Variants in MSH3 observed in about 807,000 individuals in gnomAD.
MSH3 encodes DNA mismatch repair protein Msh3.
In MSH3, 106 loss-of-function variants were observed where a neutral mutation model predicts 123.3. That is an observed-to-expected ratio of 0.86 (90% CI 0.73 to 1.01). The LOEUF (loss-of-function observed/expected upper bound fraction) is 1.01, where lower values mean the gene tolerates loss of function less well. MSH3 is among the 50% of genes least tolerant of loss of function. MSH3 has a pLI of 0.00. For synonymous variants in MSH3, 515 were observed against 481.4 expected (o/e 1.07, Z -0.91); for missense variants, 1,459 against 1,347.6 (o/e 1.08, Z -1.29).
intron 20 of MSH3, among the ~76,000 whole-genome samples, chr5:80,838,317 G>T (rs772177755): frequency 6.6e-6 from 1 of 152,124 alleles, no homozygotes; most frequent in African/African-American, 2.4e-5. Context: ...AGACTCTGGC[G>T]TCAGACCGAG....
intron 20 of MSH3, among the ~76,000 whole-genome samples, chr5:80,849,000 C>G (rs1231362347): frequency 1.3e-5 from 2 of 152,114 alleles, no homozygotes; most frequent in Admixed American, 6.5e-5. Flanking sequence ...TAGTTACTTC[C>G]TAAATACAAT....
chr5:80,747,280 C>CT (rs925557082), intron 12 of MSH3, among the ~76,000 whole-genome samples: 84 of 151,420 alleles, frequency 5.5e-4, no homozygotes, highest in African/African-American at 1.3e-3. Flanking sequence ...GTTAAATTTC[C>CT]TTTTTTTTTG....
intron 20 of MSH3, among the ~76,000 whole-genome samples, chr5:80,853,828 A>G (rs1217981090): frequency 2.0e-5 from 3 of 152,214 alleles, no homozygotes; most frequent in Non-Finnish European, 1.5e-5. Context: ...TGTCCTGTGA[A>G]TACCAAAACT....
intron 10 of MSH3, among the ~76,000 whole-genome samples, chr5:80,739,106 C>T (rs1032427042): frequency 9.8e-5 from 15 of 152,326 alleles, no homozygotes; most frequent in African/African-American, 3.6e-4. Context: ...CAGCTAAGCA[C>T]CGTTCTAGAG....
rs753200535 is a variant in MSH3, at chr5:80,761,567, T to C, written c.1785T>C (p.Asp595=). 1 of 1,614,178 alleles carries C rather than the reference T, an allele frequency of 6.2e-7. No individual in the cohort carries two copies. The highest frequency in any genetic ancestry group is 2.2e-5 in the East Asian group (1 of 44,884). The part of the protein sequence containing the change: ...LKLREINARL[D]AVSEVLHSES... The stretch of plus-strand genomic sequence containing the variant: ...ACAGGGAAATAAATGCCCGGCTTGA[T>C]GCTGTATCGGAAGTTCTCCATTCAG... The change falls in exon 13 of 24, where the codon GAT becomes GAC. Residue 595 remains aspartate, a synonymous_variant. Coordinates refer to ENST00000265081, the MANE Select transcript of MSH3 (RefSeq NM_002439.5).
intron 8 of MSH3, 26 bp from the exon 9 acceptor site, chr5:80,725,427 T>TGGATAAG: frequency 6.5e-7 from 1 of 1,526,760 alleles, no homozygotes; most frequent in Non-Finnish European, 9.1e-7. Context: ...ATAAGTTATC[T>TGGATAAG]TTGAAATTTT....
chr5:80,783,334 T>C (rs1019108293), intron 17 of MSH3, among the ~76,000 whole-genome samples: 11 of 152,228 alleles, frequency 7.2e-5, no homozygotes, highest in Admixed American at 3.9e-4. Context: ...GTTATCTGCA[T>C]TGACCATTTT....
At chr5:80,712,240 T>C (rs1750874419) in intron 8 of MSH3, among the ~76,000 whole-genome samples, 1 of 152,244 alleles carries the variant, frequency 6.6e-6, no homozygotes, top group African/African-American at 2.4e-5. Flanking sequence ...GTATAAATCC[T>C]GTAATCCATT....
At chr5:80,844,416 C>T (rs111994939) in intron 20 of MSH3, among the ~76,000 whole-genome samples, 1,548 of 152,042 alleles carry the variant, frequency 0.01, 24 homozygotes, top group African/African-American at 0.036. Context: ...CTTTTAGGTC[C>T]GTTTGGTCCA....
intron 9 of MSH3, among the ~76,000 whole-genome samples, chr5:80,725,782 C>T (rs32953): frequency 6.6e-5 from 10 of 151,906 alleles, no homozygotes; most frequent in East Asian, 1.9e-4. Context: ...CCCAGGAGTT[C>T]GAGGCAGCAA....
chr5:80,750,446 C>T (rs971160105), intron 12 of MSH3, among the ~76,000 whole-genome samples: 3 of 151,824 alleles, frequency 2.0e-5, no homozygotes, highest in African/African-American at 4.8e-5. Flanking sequence ...GTGAGGTGAC[C>T]TATTGTGGTT....
intron 8 of MSH3, among the ~76,000 whole-genome samples, chr5:80,683,910 T>A (rs1274520958): frequency 3.9e-5 from 6 of 152,202 alleles, no homozygotes; most frequent in African/African-American, 9.6e-5. Context: ...CATATGGATG[T>A]CCAGTTTTCC....
chr5:80,764,112 A>G (rs973014479), intron 13 of MSH3, among the ~76,000 whole-genome samples: 2 of 152,242 alleles, frequency 1.3e-5, no homozygotes, highest in South Asian at 2.1e-4. Context: ...ACCATCAAAC[A>G]TATGTCTGTT....
intron 7 of MSH3, among the ~76,000 whole-genome samples, chr5:80,678,425 G>T (rs1313154449): frequency 6.6e-6 from 1 of 152,202 alleles, no homozygotes; most frequent in Admixed American, 6.5e-5. Context: ...CATTTTATGT[G>T]TTACTTTGAT....
intron 4 of MSH3, among the ~76,000 whole-genome samples, chr5:80,671,343 T>G: frequency 6.6e-6 from 1 of 152,150 alleles, no homozygotes; most frequent in Non-Finnish European, 1.5e-5. Context: ...TGTCTGTGCT[T>G]CTTGGATGGG....
At chr5:80,846,262 C>T (rs1745718650) in intron 20 of MSH3, among the ~76,000 whole-genome samples, 1 of 152,082 alleles carries the variant, frequency 6.6e-6, no homozygotes, top group African/African-American at 2.4e-5. Context: ...GCTGCCTGAT[C>T]CTTCATCTGG....
intron 20 of MSH3, among the ~76,000 whole-genome samples, chr5:80,820,610 G>T (rs375020487): frequency 4.6e-5 from 7 of 152,084 alleles, no homozygotes; most frequent in African/African-American, 1.7e-4. Context: ...CTGTTTCTTA[G>T]TCCAAATTTC....
At chr5:80,706,189 AAG>A (rs1245450074) in intron 8 of MSH3, among the ~76,000 whole-genome samples, 2 of 152,204 alleles carry the variant, frequency 1.3e-5, no homozygotes, top group African/African-American at 4.8e-5. Context: ...TTGGGAAAAT[AAG>A]AGTTAGTATT....
chr5:80,829,720 T>G (rs1407127059), intron 20 of MSH3, among the ~76,000 whole-genome samples: 1 of 152,242 alleles, frequency 6.6e-6, no homozygotes, highest in Non-Finnish European at 1.5e-5. Context: ...TGTCCGGTTT[T>G]GGTATTAAGG....
Sources: gnomAD v4.1 joint callset for allele counts (sites outside exome capture counted in the v4.1 genomes callset) on GRCh38, gnomAD v4.1.1 for gene constraint, MANE v1.5 for transcripts, NCBI Gene and HGNC (gene_info 2026-07-23, HGNC 2026-07-21) for gene names.